Variants in GRHPR observed in about 807,000 individuals in gnomAD.
The protein encoded by GRHPR is glyoxylate and hydroxypyruvate reductase.
A neutral mutation model predicts 36.8 loss-of-function variants in GRHPR; 35 were observed. That is an observed-to-expected ratio of 0.95 (90% confidence interval 0.73 to 1.26). GRHPR has a LOEUF of 1.26. GRHPR is among the 50% of genes most tolerant of loss of function. The pLI, the probability that GRHPR is intolerant of heterozygous loss-of-function variation, is 0.00. For missense variants in GRHPR, 380 were observed against 435.0 expected (o/e 0.87, Z 1.12); for synonymous variants, 179 against 181.0 (o/e 0.99, Z 0.09).
At chr9:37,430,862 C>T in intron 7 of GRHPR, 1 of 664,038 alleles carries the variant, frequency 1.5e-6, no homozygotes, top group Non-Finnish European at 2.8e-6. Context: ...GTCTGCTTCT[C>T]AGCAGTGGCC....
At chr9:37,433,027 G>C (rs1471960555) in intron 8 of GRHPR, among the ~76,000 whole-genome samples, 3 of 152,156 alleles carry the variant, frequency 2.0e-5, no homozygotes, top group Non-Finnish European at 4.4e-5. Flanking sequence ...TCTTCATCTA[G>C]CAGCACCAGT....
At chr9:37,422,598 G>C (rs1416628314), upstream of GRHPR, 1 of 681,172 alleles carries the variant, frequency 1.5e-6, no homozygotes, top group Non-Finnish European at 2.6e-6. Flanking sequence ...CCGCTCAGCC[G>C]CAACCCGGCG....
chr9:37,439,393 T>TA (rs1359394598), downstream of GRHPR: 8 of 152,378 alleles, frequency 5.3e-5, no homozygotes, highest in African/African-American at 1.9e-4. Context: ...TCAAACAACT[T>TA]TAAACATTTG....
intron 3 of GRHPR, 178 bp from the exon 4 acceptor site, chr9:37,426,360 G>C (rs1233281804): frequency 1.5e-6 from 1 of 685,614 alleles, no homozygotes; most frequent in Non-Finnish European, 2.7e-6. Context: ...TCCTTCCAAA[G>C]TGGGAGATAA....
chr9:37,429,443 CCTG>C (rs1488484084), intron 5 of GRHPR: 1 of 469,008 alleles, frequency 2.1e-6, no homozygotes, highest in African/African-American at 2.0e-5. Context: ...TTAGGAAAAA[CCTG>C]AGTGGCTTTC....
At position 37,422,736 on chromosome 9, in the gene GRHPR, G is replaced by A. The variant is rs370961823; in HGVS notation, c.-15G>A. 56 of 1,563,690 alleles carry A rather than the reference G, an allele frequency of 3.6e-5. 1 individual carries two copies. The highest frequency in any genetic ancestry group is 4.7e-5 in the South Asian group (4 of 85,266). On this transcript the variant is annotated 5_prime_UTR_variant, in exon 1 of 9. Coordinates refer to ENST00000318158, the MANE Select transcript of GRHPR (RefSeq NM_012203.2). ...CTTCTGTACTGCCAGGTCCGGGTCG[G>A]CGGCTGCACTGCGGATGAGACCGGT...
At chr9:37,424,775 T>C in intron 1 of GRHPR, 70 bp from the exon 2 acceptor site, 1 of 1,570,696 alleles carries the variant, frequency 6.4e-7, no homozygotes, top group Non-Finnish European at 8.6e-7. Flanking sequence ...GAGGCCAGGA[T>C]TCCCAGCTGG....
At chr9:37,425,825 GA>G (rs1823050350) in intron 2 of GRHPR, 96 bp from the exon 3 acceptor site, 1 of 803,416 alleles carries the variant, frequency 1.2e-6, no homozygotes, top group Admixed American at 1.8e-5. Flanking sequence ...CTTATTCTAA[GA>G]AAACAATAAT....
chr9:37,437,133 C>G (rs1407239906), downstream of GRHPR: 1 of 334,074 alleles, frequency 3.0e-6, no homozygotes, highest in Non-Finnish European at 5.8e-6. Flanking sequence ...GCTATAACCA[C>G]TCTTTTTAAA....
chr9:37,430,856 G>A (rs1296284819), intron 7 of GRHPR: 1 of 670,362 alleles, frequency 1.5e-6, no homozygotes, highest in East Asian at 3.0e-5. Flanking sequence ...TGGCCTGTCT[G>A]CTTCTCAGCA....
At chr9:37,429,959 C>T (rs1823280687) in intron 6 of GRHPR, 123 bp downstream of exon 6, 1 of 713,146 alleles carries the variant, frequency 1.4e-6, no homozygotes, top group Non-Finnish European at 2.5e-6. Context: ...GGGCTGCTGT[C>T]TGGTAGATGT....
At chr9:37,431,473 G>T in intron 7 of GRHPR, 1 of 237,234 alleles carries the variant, frequency 4.2e-6, no homozygotes, top group Non-Finnish European at 8.4e-6. Context: ...ACAATATACA[G>T]TCTCTAGAAG....
chr9:37,429,581 C>T, intron 5 of GRHPR, 151 bp from the exon 6 acceptor site: 1 of 729,974 alleles, frequency 1.4e-6, no homozygotes, highest in Admixed American at 1.9e-5. Flanking sequence ...GGGCAGCCAG[C>T]CCCCCACCCG....
intron 5 of GRHPR, chr9:37,429,400 C>CT (rs1042525292): frequency 7.6e-6 from 3 of 396,036 alleles, no homozygotes; most frequent in African/African-American, 6.2e-5. Context: ...GACCAGGTGT[C>CT]TCCCTTGTGA....
intron 4 of GRHPR, among the ~76,000 whole-genome samples, chr9:37,426,979 C>G (rs969954155): frequency 6.6e-6 from 1 of 152,098 alleles, no homozygotes; most frequent in Non-Finnish European, 1.5e-5. Context: ...AAGTGAACGC[C>G]TGGCAGGAAC....
At chr9:37,429,326 T>C (rs1823238170) in intron 5 of GRHPR, 2 of 282,506 alleles carry the variant, frequency 7.1e-6, no homozygotes, top group Non-Finnish European at 1.4e-5. Context: ...CACCAAAAAG[T>C]CAAATGGGGT....
Position 37,428,591 on chromosome 9 carries a change from C to T in GRHPR, c.493+19C>T, listed in dbSNP as rs746648380. ...CGCATAGGTGAGGCTCCCACCGGCC[C>T]GCTTGCCCGCCCCGGCTCTCACAGC... On this transcript the variant is annotated intron_variant, in intron 5 of 8. Coordinates refer to ENST00000318158, the MANE Select transcript of GRHPR (RefSeq NM_012203.2). The T allele has an allele frequency of 1.7e-5, 26 of 1,532,262 alleles. No individual in the cohort carries two copies. The Middle Eastern group carries it at 5.1e-4, about 30-fold the overall frequency. The allele number at this position is 1,532,262 out of a possible 1,614,324, so 94.9% of individuals were successfully genotyped here.
intron 7 of GRHPR, 181 bp downstream of exon 7, chr9:37,430,827 A>G (rs1823328465): frequency 4.3e-6 from 3 of 700,758 alleles, no homozygotes; most frequent in South Asian, 1.5e-5. Context: ...ACAGGGAAGA[A>G]GAGCCGTCAG....
chr9:37,426,137 G>A (rs1823065885), intron 3 of GRHPR, 143 bp downstream of exon 3: 2 of 695,740 alleles, frequency 2.9e-6, no homozygotes, highest in African/African-American at 1.7e-5. Flanking sequence ...CTGTCCACAT[G>A]TGCACAGGTC....
Sources: gnomAD v4.1 joint callset for allele counts (sites outside exome capture counted in the v4.1 genomes callset) on GRCh38, gnomAD v4.1.1 for gene constraint, MANE v1.5 for transcripts, NCBI Gene and HGNC (gene_info 2026-07-23, HGNC 2026-07-21) for gene names.